The following LIMS1 variants were observed in gnomAD, a reference collection of about 807,000 sequenced individuals.
LIMS1 encodes LIM zinc finger domain containing 1.
A neutral mutation model predicts 44.1 loss-of-function variants in LIMS1; 18 were observed. The observed-to-expected ratio is 0.41, with a 90% confidence interval of 0.28 to 0.61. LIMS1 has a LOEUF of 0.61. Among genes scored for constraint, LIMS1 ranks in the 20% least tolerant of loss-of-function variants. LIMS1 has a pLI of 0.32. For missense variants in LIMS1, 201 were observed against 422.0 expected, an observed-to-expected ratio of 0.48 and a Z score of 4.59; for synonymous variants, 93 against 149.1, an observed-to-expected ratio of 0.62 and a Z score of 2.74.
At chr2:108,683,715 A>G (rs1484986089) in intron 9 of LIMS1, among the ~76,000 whole-genome samples, 170 bp from the exon 10 acceptor site, 1 of 152,066 alleles carries the variant, frequency 6.6e-6, no homozygotes, top group East Asian at 1.9e-4. Context: ...TTTTATATAT[A>G]TATCACAATA....
chr2:108,607,658 C>T (rs997184460), intron 1 of LIMS1, among the ~76,000 whole-genome samples: 5 of 152,104 alleles, frequency 3.3e-5, no homozygotes, highest in African/African-American at 4.8e-5. Flanking sequence ...CCAGTCTTTC[C>T]CATCTGTTTT....
exon 1 of LIMS1, chr2:108,534,420 C>T (rs547917912): frequency 0.017 from 8,569 of 491,418 alleles, 95 homozygotes; most frequent in Middle Eastern, 0.023. Context: ...CTCCCGCGCC[C>T]CCGCGCGGCC....
intron 1 of LIMS1, among the ~76,000 whole-genome samples, chr2:108,585,745 A>T (rs1686074685): frequency 6.6e-6 from 1 of 152,194 alleles, no homozygotes; most frequent in Non-Finnish European, 1.5e-5. Context: ...AAGGGAATAG[A>T]AAATTCCCAG....
intron 1 of LIMS1, among the ~76,000 whole-genome samples, chr2:108,542,869 T>C (rs1211226390): frequency 1.3e-5 from 2 of 152,248 alleles, no homozygotes; most frequent in East Asian, 3.8e-4. Flanking sequence ...TGGGTAAGAT[T>C]CAGTTCTCTA....
At chr2:108,612,812 A>G (rs920370319) in intron 1 of LIMS1, among the ~76,000 whole-genome samples, 1 of 152,094 alleles carries the variant, frequency 6.6e-6, no homozygotes, top group Non-Finnish European at 1.5e-5. Context: ...GTTTCTAGTC[A>G]GTGTTTACAC....
intron 1 of LIMS1, among the ~76,000 whole-genome samples, chr2:108,550,243 C>T (rs959644721): frequency 3.3e-5 from 5 of 152,022 alleles, no homozygotes; most frequent in African/African-American, 1.2e-4. Flanking sequence ...CCCCTGTAAT[C>T]CCAGCACTTT....
intron 1 of LIMS1, among the ~76,000 whole-genome samples, chr2:108,535,052 A>T (rs1684079757): frequency 6.6e-6 from 1 of 152,194 alleles, no homozygotes; most frequent in African/African-American, 2.4e-5. Context: ...GTGGTATGTT[A>T]ACGTACATAC....
intron 1 of LIMS1, among the ~76,000 whole-genome samples, chr2:108,597,822 A>T (rs75645228): frequency 6.7e-6 from 1 of 150,324 alleles, no homozygotes; most frequent in Non-Finnish European, 1.5e-5. Flanking sequence ...CCTCCCGAAT[A>T]GCTGGGATTA....
chr2:108,564,732 T>C (rs1296131424), intron 1 of LIMS1, among the ~76,000 whole-genome samples: 1 of 152,082 alleles, frequency 6.6e-6, no homozygotes, highest in African/African-American at 2.4e-5. Context: ...CAAGAATGTT[T>C]GAAATGGAAG....
intron 1 of LIMS1, among the ~76,000 whole-genome samples, chr2:108,564,160 T>C (rs2718733): frequency 0.63 from 95,087 of 151,908 alleles, 30,361 homozygotes; most frequent in East Asian, 0.97. Context: ...AGTCAGCAGT[T>C]GTCAACATCA....
intron 1 of LIMS1, among the ~76,000 whole-genome samples, chr2:108,642,108 GTAGTTGT>G (rs1689706854): frequency 6.6e-6 from 1 of 152,156 alleles, no homozygotes; most frequent in Non-Finnish European, 1.5e-5. Context: ...GCTTCATCTA[GTAGTTGT>G]TATTGCCAAG....
chr2:108,641,704 T>C (rs1478236973), intron 1 of LIMS1, among the ~76,000 whole-genome samples: 4 of 152,248 alleles, frequency 2.6e-5, no homozygotes, highest in African/African-American at 4.8e-5. Context: ...ATCACTGTCT[T>C]GCTTCTGTGG....
chr2:108,579,690 T>C (rs1245119544), intron 1 of LIMS1, among the ~76,000 whole-genome samples: 1 of 152,244 alleles, frequency 6.6e-6, no homozygotes, highest in Non-Finnish European at 1.5e-5. Context: ...TGTTTGACAG[T>C]ATTCACAGCG....
At chr2:108,585,799 A>C (rs116600770) in intron 1 of LIMS1, among the ~76,000 whole-genome samples, 3,822 of 152,214 alleles carry the variant, frequency 0.025, 102 homozygotes, top group African/African-American at 0.064. Context: ...AAGGACTGAA[A>C]AATGCCTTCT....
intron 1 of LIMS1, among the ~76,000 whole-genome samples, chr2:108,619,022 CCT>C (rs1348967362): frequency 6.6e-6 from 1 of 151,906 alleles, no homozygotes; most frequent in East Asian, 1.9e-4. Context: ...GGTAACTGTC[CCT>C]GTTACTGCTC....
chr2:108,633,509 A>G (rs1689044716), intron 1 of LIMS1, among the ~76,000 whole-genome samples: 1 of 152,188 alleles, frequency 6.6e-6, no homozygotes, highest in Non-Finnish European at 1.5e-5. Flanking sequence ...TGCTTTCCTA[A>G]TAGGTTCTAA....
intron 1 of LIMS1, among the ~76,000 whole-genome samples, chr2:108,601,381 G>A (rs1336437229): frequency 2.0e-5 from 3 of 152,192 alleles, no homozygotes; most frequent in African/African-American, 7.2e-5. Context: ...TTTCGGTGCA[G>A]TCTGGGACTC....
chr2:108,610,883 A>T (rs935757780), intron 1 of LIMS1, among the ~76,000 whole-genome samples: 1 of 152,222 alleles, frequency 6.6e-6, no homozygotes, highest in African/African-American at 2.4e-5. Context: ...TTTTAGATTT[A>T]TAGAAAAGTT....
chr2:108,587,351 TGTG>T (rs1403105106), intron 1 of LIMS1, among the ~76,000 whole-genome samples: 2 of 149,044 alleles, frequency 1.3e-5, no homozygotes, highest in Admixed American at 6.7e-5. Flanking sequence ...TTTGGTTTGT[TGTG>T]GTGGTATGTT....
Sources: gnomAD v4.1 joint callset for allele counts (sites outside exome capture counted in the v4.1 genomes callset) on GRCh38, gnomAD v4.1.1 for gene constraint, MANE v1.5 for transcripts, NCBI Gene and HGNC (gene_info 2026-07-23, HGNC 2026-07-21) for gene names.